Variants in SMC4 observed in about 807,000 individuals in gnomAD.
The protein encoded by SMC4 is structural maintenance of chromosomes protein 4.
In SMC4, 87 loss-of-function variants were observed where a neutral mutation model predicts 145.6. That is an observed-to-expected ratio of 0.60 (90% CI 0.50 to 0.71). The LOEUF is 0.71. Among genes scored for constraint, SMC4 ranks in the 30% least tolerant of loss-of-function variants. The pLI, the probability that SMC4 is intolerant of heterozygous loss-of-function variation, is 0.00. For missense variants in SMC4, 1,447 were observed against 1,537.1 expected (o/e 0.94, Z 0.98); for synonymous variants, 558 against 500.7 (o/e 1.11, Z -1.53).
At chr3:160,426,040 A>G (rs767062583) in intron 16 of SMC4, 34 bp from the exon 17 acceptor site, 15 of 1,509,436 alleles carry the variant, frequency 9.9e-6, no homozygotes, top group Non-Finnish European at 9.0e-6. Flanking sequence ...CAAATGTTAA[A>G]ATATTGACCT....
intron 6 of SMC4, 91 bp from the exon 7 acceptor site, chr3:160,412,232 CTTA>C (rs1282528255): frequency 1.2e-5 from 17 of 1,429,306 alleles, no homozygotes; most frequent in South Asian, 2.7e-5. Context: ...GAACATTCTC[CTTA>C]TTAACTGTTT....
chr3:160,416,269 AT>A lies in SMC4; in HGVS notation c.1292del (p.Ile431AsnfsTer30). ...ATCTCAGGTTGAAGAATTTAAAAGT[AT>A]ACCTGCCAAGAGTAACAATATCATT... The part of the protein sequence containing the change: ...DKEKVEEFKS[I>X]PAKSNNIINE... On this transcript the variant is annotated frameshift_variant, in exon 10 of 24. Coordinates refer to ENST00000357388, the MANE Select transcript of SMC4 (RefSeq NM_001002800.3). LOFTEE classifies it high-confidence loss of function. The A allele has an allele frequency of 6.3e-7, 1 of 1,592,224 alleles. No homozygotes were observed. The highest frequency in any genetic ancestry group is 8.5e-7 in the Non-Finnish European group (1 of 1,172,194).
chr3:160,429,687 A>T (rs1290222927), intron 18 of SMC4, among the ~76,000 whole-genome samples: 1 of 149,898 alleles, frequency 6.7e-6, no homozygotes, highest in Non-Finnish European at 1.5e-5. Context: ...CATTGTCCTT[A>T]AAAAAAAAGA....
intron 13 of SMC4, among the ~76,000 whole-genome samples, 176 bp downstream of exon 13, chr3:160,421,077 C>T (rs567525272): frequency 6.6e-6 from 1 of 152,114 alleles, no homozygotes; most frequent in South Asian, 2.1e-4. Flanking sequence ...CTACAGGTGC[C>T]CGCCACCACA....
Position 160,420,797 on chromosome 3 carries a change from G to A in SMC4, c.1915G>A (p.Ala639Thr). The change falls in exon 13 of 24, where the codon GCA becomes ACA. Residue 639 changes from alanine (A) to threonine (T), a missense_variant. Ala to Thr is a moderately conservative substitution (Grantham distance 58). Coordinates refer to ENST00000357388, the MANE Select transcript of SMC4 (RefSeq NM_001002800.3). ...YDVAISSCCHALDYIVVDSID... is the reference protein window; with the variant it reads ...YDVAISSCCHTLDYIVVDSID... ...CGTGGCTATATCATCCTGTTGTCAT[G>A]CACTGGACTACATTGTTGTTGATTC... is the stretch of plus-strand genomic sequence containing the variant. The A allele has an allele frequency of 1.2e-6, 2 of 1,613,984 alleles. No homozygotes were observed. Among genetic ancestry groups the A allele is most frequent in the Non-Finnish European group, 1.7e-6 (2 of 1,179,952 alleles).
intron 1 of SMC4, 148 bp from the exon 2 acceptor site, chr3:160,400,674 G>C (rs994689729): frequency 2.3e-5 from 24 of 1,029,464 alleles, no homozygotes; most frequent in Non-Finnish European, 2.9e-5. Flanking sequence ...CGTGTCTTTC[G>C]ATGGCTCCCT....
chr3:160,431,041 C>A lies in SMC4; in HGVS notation c.2950C>A (p.Pro984Thr). Residue 984 changes from proline to threonine, a missense_variant, in exon 20 of 24, where the codon CCA becomes ACA. Transcript: ENST00000357388. ...KNTNAAEESL[P>T]EIQKEHRNLL... is the part of the protein sequence containing the mutation. The stretch of plus-strand genomic sequence containing the variant: ...TCTTTTCGGTGTTTAGGAATCCTTA[C>A]CAGAGATCCAGAAAGAACATCGCAA... 1 of 1,598,194 alleles carries A rather than the reference C, an allele frequency of 6.3e-7. No homozygotes were observed. The highest frequency in any genetic ancestry group is 1.1e-5 in the South Asian group (1 of 87,260).
chr3:160,429,782 T>C (rs1001903381), intron 18 of SMC4, among the ~76,000 whole-genome samples: 1 of 151,140 alleles, frequency 6.6e-6, no homozygotes, highest in Non-Finnish European at 1.5e-5. Context: ...AGTGGCGCGA[T>C]CTCGGCTCAC....
chr3:160,411,868 T>TA, intron 5 of SMC4, 52 bp from the exon 6 acceptor site: 6 of 1,495,390 alleles, frequency 4.0e-6, no homozygotes, highest in Non-Finnish European at 5.5e-6. Flanking sequence ...TCACTTAAGA[T>TA]TGATTTAGCT....
Position 160,404,387 on chromosome 3 carries a change from C to A in SMC4, c.570C>A (p.Cys190Ter). 6.2e-7 allele frequency: 1 copy of A among 1,610,810 alleles called. No homozygotes were observed. ...ATTTCTATGTATCCAGAACGGCCTG[C>A]AGAGATAATACTTCTGTCTATCACA... is the stretch of plus-strand genomic sequence containing the variant. ...NSNFYVSRTACRDNTSVYHIS... is the reference protein window; with the variant it reads ...NSNFYVSRTA Residue 190 changes from cysteine to a stop codon, truncating the protein, a stop_gained, in exon 5 of 24, where the codon TGC (cysteine) becomes TGA (stop). Coordinates refer to ENST00000357388, the MANE Select transcript of SMC4 (RefSeq NM_001002800.3). LOFTEE classifies it high-confidence loss of function.
chr3:160,432,526 A>C lies in SMC4; in HGVS notation c.3530+11A>C, dbSNP rs756436930. The C allele has an allele frequency of 4.7e-6, 7 of 1,503,866 alleles. No homozygotes were observed. The highest frequency in any genetic ancestry group is 6.3e-6 in the Non-Finnish European group (7 of 1,102,858). 93.2% of individuals were successfully genotyped at this position (1,503,866 alleles called of 1,614,324 possible). ...AGGAATCATGTTCAGGTGTGTAATT[A>C]TGCTGAGTTTATAATCCCACTGTTA... On this transcript the variant is annotated intron_variant, in intron 22 of 23. Transcript: ENST00000357388.
rs148509619 is a variant in SMC4 at position 160,429,115 on chromosome 3, C to T, written c.2795+173C>T. 6.3e-3 allele frequency among the ~76,000 whole-genome samples: 961 copies of T among 152,222 alleles called. 9 individuals carry two copies. The highest frequency in any genetic ancestry group is 0.021 in the African/African-American group (876 of 41,530). Reference sequence around the variant, plus strand: ...CGGAAAACCTATAATGAACATTTATCCTATGGCCAATTAAAAAGGCTGGTA... The same window carrying T: ...CGGAAAACCTATAATGAACATTTATTCTATGGCCAATTAAAAAGGCTGGTA... On this transcript the variant is annotated intron_variant, in intron 18 of 23. Coordinates refer to ENST00000357388, the MANE Select transcript of SMC4 (RefSeq NM_001002800.3).
Position 160,417,811 on chromosome 3 carries a change from A to G in SMC4, c.1526A>G (p.Tyr509Cys), listed in dbSNP as rs1716745743. The change falls in exon 11 of 24, where the codon TAT (tyrosine) becomes TGT (cysteine). Residue 509 changes from tyrosine to cysteine, a missense_variant. Coordinates refer to ENST00000357388, the MANE Select transcript of SMC4 (RefSeq NM_001002800.3). The stretch of plus-strand genomic sequence containing the variant: ...GTAGCCCAGTCAGAACTTGATATCT[A>G]TCTCAGTCGTCATAATACTGCAGTG... Reference protein sequence around the residue: ...MDVAQSELDIYLSRHNTAVSQ... With the variant: ...MDVAQSELDICLSRHNTAVSQ... 6.2e-7 allele frequency: 1 copy of G among 1,613,618 alleles called. No individual in the cohort carries two copies. Among genetic ancestry groups the G allele is most frequent in the African/African-American group, 1.3e-5 (1 of 74,910 alleles).
At chr3:160,403,355 G>A (rs912273905) in intron 4 of SMC4, among the ~76,000 whole-genome samples, 1 of 152,040 alleles carries the variant, frequency 6.6e-6, no homozygotes, top group African/African-American at 2.4e-5. Context: ...CTTTAGAAAT[G>A]GGGGAAGGAC....
chr3:160,401,107 G>C (rs1714574476), intron 2 of SMC4, 142 bp downstream of exon 2: 1 of 1,172,166 alleles, frequency 8.5e-7, no homozygotes, highest in African/African-American at 1.6e-5. Context: ...GCTCAGGAAA[G>C]CCATTTGGCA....
chr3:160,424,463 C>CT (rs1247698861), intron 15 of SMC4, among the ~76,000 whole-genome samples: 8 of 152,146 alleles, frequency 5.3e-5, no homozygotes, highest in African/African-American at 1.9e-4. Flanking sequence ...ATCTCCTGAA[C>CT]TTTAAGATTG....
intron 5 of SMC4, among the ~76,000 whole-genome samples, chr3:160,406,522 A>G (rs1174011899): frequency 6.6e-6 from 1 of 152,132 alleles, no homozygotes. Flanking sequence ...CTATCTTAAA[A>G]ACTGATTTGG....
chr3:160,432,568 C>T, intron 22 of SMC4, 53 bp downstream of exon 22: 1 of 1,143,106 alleles, frequency 8.7e-7, no homozygotes, highest in Non-Finnish European at 1.2e-6. Flanking sequence ...TCTACATATT[C>T]TCCAAACTCA....
At chr3:160,425,676 A>C (rs772137392) in intron 16 of SMC4, among the ~76,000 whole-genome samples, 9 of 152,114 alleles carry the variant, frequency 5.9e-5, no homozygotes, top group Non-Finnish European at 8.8e-5. Context: ...TGATTCAGTT[A>C]TTTCCTTAGA....
Sources: gnomAD v4.1 joint callset for allele counts (sites outside exome capture counted in the v4.1 genomes callset) on GRCh38, gnomAD v4.1.1 for gene constraint, MANE v1.5 for transcripts, NCBI Gene and HGNC (gene_info 2026-07-23, HGNC 2026-07-21) for gene names.